Variants in RAG1 observed in about 807,000 individuals in gnomAD.
RAG1 encodes the protein V(D)J recombination-activating protein 1.
RAG1 carries 35 observed loss-of-function variants against 62.7 expected under a neutral mutation model. That is an observed-to-expected ratio of 0.56 (90% CI 0.43 to 0.74). RAG1 has a LOEUF of 0.74. Ranked by LOEUF, RAG1 falls within the 30% of genes least tolerant of loss-of-function variation. The pLI is 0.00. For synonymous variants in RAG1, 461 were observed against 470.3 expected, an observed-to-expected ratio of 0.98 and a Z score of 0.26; for missense variants, 1,169 against 1,278.6, an observed-to-expected ratio of 0.91 and a Z score of 1.31.
intron 2 of RAG1, among the ~76,000 whole-genome samples, chr11:36,522,268 C>T (rs1860091822): frequency 6.6e-6 from 1 of 152,218 alleles, no homozygotes; most frequent in African/African-American, 2.4e-5. Context: ...CCCAGGGCTC[C>T]TGTGCTGTGT....
Position 36,573,881 on chromosome 11 carries a change from G to A in RAG1, c.577G>A (p.Glu193Lys), listed in dbSNP as rs34841221. ...CAGGAAGTTTAGCAGTGCCCCATGT[G>A]AGGTTTACTTCCCGAGGAACGTGAC... is the stretch of plus-strand genomic sequence containing the variant. ...MHRKFSSAPC[E>K]VYFPRNVTME... The change falls in exon 2 of 2, where the codon GAG (glutamate) becomes AAG (lysine). Residue 193 changes from glutamate to lysine, a missense_variant. Glu to Lys is a moderately conservative substitution (Grantham distance 56). Coordinates refer to ENST00000299440, the MANE Select transcript of RAG1 (RefSeq NM_000448.3). 2.0e-3 allele frequency: 3,176 copies of A among 1,614,140 alleles called. 45 individuals are homozygous for A. The South Asian group carries it at 0.024, about 12-fold the overall frequency.
At chr11:36,571,084 T>C (rs563412870) in intron 1 of RAG1, among the ~76,000 whole-genome samples, 8 of 152,284 alleles carry the variant, frequency 5.3e-5, no homozygotes, top group African/African-American at 1.9e-4. Flanking sequence ...TTTAAATAAA[T>C]GTAGTTTGGT....
intron 3 of RAG1, among the ~76,000 whole-genome samples, chr11:36,541,302 A>G (rs1369566174): frequency 1.3e-5 from 2 of 152,228 alleles, no homozygotes; most frequent in Non-Finnish European, 2.9e-5. Context: ...CACAGGTCAC[A>G]TTGGGAGGAT....
At position 36,576,089 on chromosome 11, in the gene RAG1, T is replaced by C. The variant is rs1200227197; in HGVS notation, c.2785T>C (p.Tyr929His). ...FAELLSTKFK[Y>H]RYEGKITNYF... The stretch of plus-strand genomic sequence containing the variant: ...TGAGCTCCTTTCTACGAAGTTCAAG[T>C]ATAGGTATGAGGGAAAAATCACCAA... The change falls in exon 2 of 2, where the codon TAT becomes CAT. Residue 929 changes from tyrosine (Y) to histidine (H), a missense_variant. Transcript: ENST00000299440. 1.2e-5 allele frequency: 20 copies of C among 1,613,958 alleles called. No individual in the cohort carries two copies. The highest frequency in any genetic ancestry group is 2.7e-5 in the African/African-American group (2 of 75,016).
At chr11:36,541,889 A>C (rs1320514211) in intron 3 of RAG1, among the ~76,000 whole-genome samples, 1 of 152,152 alleles carries the variant, frequency 6.6e-6, no homozygotes, top group East Asian at 1.9e-4. Flanking sequence ...CCCTAAAAAA[A>C]AACCACCTAC....
At position 36,579,490 on chromosome 11, in the gene RAG1, C is replaced by T. The variant is rs1472221968; in HGVS notation, c.*3054C>T. ...TTATTTTTTGTTTTGTAGAATTGCACTTCAGTTTATTTTCTTACAAATAAC... is the reference window on the plus strand; with the variant it reads ...TTATTTTTTGTTTTGTAGAATTGCATTTCAGTTTATTTTCTTACAAATAAC... On this transcript the variant is annotated 3_prime_UTR_variant, in exon 2 of 2. Coordinates refer to ENST00000299440, the MANE Select transcript of RAG1 (RefSeq NM_000448.3). The T allele has an allele frequency of 6.1e-6, 1 of 165,274 alleles. No homozygotes were observed. 10.2% of individuals were successfully genotyped at this position (165,274 alleles called of 1,614,324 possible). A position where few individuals can be genotyped will look rare whatever the true frequency, so the allele number is the denominator to read the frequency against.
intron 2 of RAG1, among the ~76,000 whole-genome samples, chr11:36,530,322 C>T (rs1161188722): frequency 6.6e-6 from 1 of 151,830 alleles, no homozygotes; most frequent in Non-Finnish European, 1.5e-5. Context: ...TTTTCAATTT[C>T]ATTGATTTCT....
At chr11:36,525,764 T>C (rs1210705375) in intron 2 of RAG1, among the ~76,000 whole-genome samples, 1 of 152,212 alleles carries the variant, frequency 6.6e-6, no homozygotes, top group African/African-American at 2.4e-5. Context: ...TATGTTGCTT[T>C]GCTAAACTCA....
chr11:36,527,516 G>A (rs1005199483), intron 2 of RAG1, among the ~76,000 whole-genome samples: 24 of 152,236 alleles, frequency 1.6e-4, no homozygotes, highest in East Asian at 1.5e-3. Context: ...GTCAGGTAGC[G>A]TGATGCCTCT....
intron 2 of RAG1, among the ~76,000 whole-genome samples, chr11:36,532,697 C>T (rs557127131): frequency 6.6e-6 from 1 of 152,164 alleles, no homozygotes; most frequent in Non-Finnish European, 1.5e-5. Context: ...AGCTTATTTG[C>T]TGCTGTATAT....
chr11:36,538,023 C>T (rs1177492470), downstream of RAG1, among the ~76,000 whole-genome samples: 1 of 152,004 alleles, frequency 6.6e-6, no homozygotes, highest in African/African-American at 2.4e-5. Context: ...GTACTTTCTT[C>T]TTGGCTGATC....
intron 1 of RAG1, among the ~76,000 whole-genome samples, chr11:36,517,949 T>C (rs1860018418): frequency 6.6e-6 from 1 of 151,260 alleles, no homozygotes; most frequent in Non-Finnish European, 1.5e-5. Flanking sequence ...TAACTCGTCA[T>C]TTAGCATTAG....
chr11:36,571,680 T>C (rs1457758610), intron 1 of RAG1, among the ~76,000 whole-genome samples: 1 of 152,194 alleles, frequency 6.6e-6, no homozygotes, highest in Non-Finnish European at 1.5e-5. Context: ...AGTGGCGTGA[T>C]CTTGGCCCAC....
chr11:36,546,612 T>C (rs1450205920), intron 3 of RAG1, among the ~76,000 whole-genome samples: 1 of 152,240 alleles, frequency 6.6e-6, no homozygotes, highest in Admixed American at 6.5e-5. Flanking sequence ...AATTTGATCC[T>C]GTCATTTTGA....
intron 2 of RAG1, among the ~76,000 whole-genome samples, chr11:36,533,755 G>C (rs565283664): frequency 3.8e-4 from 58 of 152,142 alleles, no homozygotes; most frequent in Non-Finnish European, 6.9e-4. Context: ...GCTGATGTTT[G>C]ATTTGCGATA....
chr11:36,519,703 T>C (rs1860048457), intron 1 of RAG1, among the ~76,000 whole-genome samples: 3 of 152,164 alleles, frequency 2.0e-5, no homozygotes, highest in Non-Finnish European at 4.4e-5. Flanking sequence ...CCCAGAAAGG[T>C]ATCAGTTTGT....
At chr11:36,559,476 C>G (rs1850551827) in intron 3 of RAG1, among the ~76,000 whole-genome samples, 1 of 152,152 alleles carries the variant, frequency 6.6e-6, no homozygotes, top group Non-Finnish European at 1.5e-5. Context: ...TCCCTCTCTT[C>G]TTCTCAAACT....
At chr11:36,516,902 A>C (rs1247437396) in intron 1 of RAG1, among the ~76,000 whole-genome samples, 1 of 152,226 alleles carries the variant, frequency 6.6e-6, no homozygotes, top group East Asian at 1.9e-4. Context: ...AACCCGGCCC[A>C]AAAACGTATA....
intron 3 of RAG1, among the ~76,000 whole-genome samples, chr11:36,546,556 G>A (rs1850397029): frequency 6.6e-6 from 1 of 151,648 alleles, no homozygotes; most frequent in African/African-American, 2.4e-5. Flanking sequence ...CTTTTAATTG[G>A]GGGCATTTAG....
Sources: gnomAD v4.1 joint callset for allele counts (sites outside exome capture counted in the v4.1 genomes callset) on GRCh38, gnomAD v4.1.1 for gene constraint, MANE v1.5 for transcripts, NCBI Gene and HGNC (gene_info 2026-07-23, HGNC 2026-07-21) for gene names.